SMIM36: variants seen among roughly 807,000 people sequenced by gnomAD.
SMIM36 encodes small integral membrane protein 36.
At chr17:55,497,904 A>C (rs1909837028) in intron 1 of SMIM36, among the ~76,000 whole-genome samples, 1 of 152,126 alleles carries the variant, frequency 6.6e-6, no homozygotes, top group Admixed American at 6.6e-5. Flanking sequence ...CACATCCTAA[A>C]CATTCCTTTT....
chr17:55,480,387 A>G (rs761801690), intron 1 of SMIM36, among the ~76,000 whole-genome samples: 1 of 152,146 alleles, frequency 6.6e-6, no homozygotes, highest in Non-Finnish European at 1.5e-5. Flanking sequence ...GTTATGATGG[A>G]GTTGAATGCT....
At chr17:55,498,675 A>G (rs1348714709) in intron 1 of SMIM36, among the ~76,000 whole-genome samples, 1 of 151,658 alleles carries the variant, frequency 6.6e-6, no homozygotes, top group Non-Finnish European at 1.5e-5. Flanking sequence ...TTAGTTGAGG[A>G]AAAAGGCTCA....
At chr17:55,516,038 G>GA (rs1910270473), upstream of SMIM36, among the ~76,000 whole-genome samples, 1 of 152,148 alleles carries the variant, frequency 6.6e-6, no homozygotes, top group African/African-American at 2.4e-5. Context: ...TGGGATGAAA[G>GA]AAAATTACTG....
chr17:55,486,678 CGTGCCCT>C (rs1351830615), intron 1 of SMIM36, among the ~76,000 whole-genome samples: 5 of 152,146 alleles, frequency 3.3e-5, no homozygotes, highest in African/African-American at 1.2e-4. Context: ...AAGCGTGCAT[CGTGCCCT>C]ACCTTATATT....
chr17:55,487,591 G>T (rs189553455), intron 1 of SMIM36, among the ~76,000 whole-genome samples: 11 of 152,266 alleles, frequency 7.2e-5, no homozygotes, highest in Middle Eastern at 3.4e-3. Context: ...GAGTGAGATG[G>T]GGGAGGATAG....
At chr17:55,527,653 C>G in the SMIM36 span, 1 of 152,082 alleles carries the variant, frequency 6.6e-6, no homozygotes. Flanking sequence ...GAGGGTGACA[C>G]TATAGGCAAT....
the SMIM36 span, among the ~76,000 whole-genome samples, chr17:55,518,771 G>A: frequency 6.6e-6 from 1 of 152,018 alleles, no homozygotes; most frequent in African/African-American, 2.4e-5. Flanking sequence ...AGTTGTGAAA[G>A]GGCAAGTGAT....
At chr17:55,474,122 A>G (rs1310318371) in intron 3 of SMIM36, among the ~76,000 whole-genome samples, 1 of 152,204 alleles carries the variant, frequency 6.6e-6, no homozygotes, top group Non-Finnish European at 1.5e-5. Context: ...TTGCTCACTC[A>G]GGGAGCTTGG....
At chr17:55,531,235 A>G in the SMIM36 span, among the ~76,000 whole-genome samples, 2 of 152,088 alleles carry the variant, frequency 1.3e-5, no homozygotes, top group East Asian at 3.8e-4. Flanking sequence ...CCACATGACC[A>G]AACTTCCCTC....
intron 1 of SMIM36, among the ~76,000 whole-genome samples, chr17:55,501,943 G>C (rs993154474): frequency 1.4e-5 from 2 of 147,938 alleles, no homozygotes; most frequent in Admixed American, 6.7e-5. Context: ...TTCCCTTTCC[G>C]AGTCAAAGAA....
chr17:55,461,648 T>C (rs934729921), intron 4 of SMIM36, among the ~76,000 whole-genome samples: 4 of 152,108 alleles, frequency 2.6e-5, no homozygotes, highest in African/African-American at 9.7e-5. Context: ...CATAAGTAAA[T>C]TATTTATGTA....
chr17:55,482,744 A>C (rs1341391112), intron 1 of SMIM36, among the ~76,000 whole-genome samples: 1 of 152,240 alleles, frequency 6.6e-6, no homozygotes, highest in Non-Finnish European at 1.5e-5. Flanking sequence ...AGAGAATTAG[A>C]GACTACAGGG....
intron 3 of SMIM36, among the ~76,000 whole-genome samples, chr17:55,470,038 C>T (rs530132041): frequency 3.9e-4 from 60 of 152,252 alleles, no homozygotes; most frequent in African/African-American, 1.1e-3. Context: ...AGCGGCCAGG[C>T]GTTCCTCCAG....
intron 4 of SMIM36, among the ~76,000 whole-genome samples, chr17:55,464,922 C>A (rs982025074): frequency 6.6e-6 from 1 of 152,142 alleles, no homozygotes. Flanking sequence ...GATTTGCAAA[C>A]CATAGGCAAT....
chr17:55,508,594 G>A (rs1194468238), intron 1 of SMIM36, among the ~76,000 whole-genome samples: 1 of 151,106 alleles, frequency 6.6e-6, no homozygotes, highest in Non-Finnish European at 1.5e-5. Flanking sequence ...TGAATTTATG[G>A]TGTTTCTTCA....
At chr17:55,491,917 C>T (rs1315052092) in intron 1 of SMIM36, among the ~76,000 whole-genome samples, 1 of 152,084 alleles carries the variant, frequency 6.6e-6, no homozygotes, top group East Asian at 1.9e-4. Flanking sequence ...CCCAGCACTT[C>T]CGGAGGCCGA....
At chr17:55,524,296 A>C in the SMIM36 span, among the ~76,000 whole-genome samples, 1 of 152,164 alleles carries the variant, frequency 6.6e-6, no homozygotes, top group Non-Finnish European at 1.5e-5. Flanking sequence ...GTGTATATGC[A>C]CCACATTTTC....
At chr17:55,460,653 C>G (rs903803824) in intron 4 of SMIM36, among the ~76,000 whole-genome samples, 2 of 152,148 alleles carry the variant, frequency 1.3e-5, no homozygotes, top group African/African-American at 4.8e-5. Context: ...GTCAGGAGAT[C>G]GAGACCATCC....
At chr17:55,523,082 C>G in the SMIM36 span, among the ~76,000 whole-genome samples, 3 of 152,188 alleles carry the variant, frequency 2.0e-5, no homozygotes, top group Non-Finnish European at 4.4e-5. Flanking sequence ...TTCCAGAATT[C>G]ATATATTGAA....
Sources: allele counts gnomAD v4.1 joint callset (sites outside exome capture counted in the v4.1 genomes callset), GRCh38; gene constraint gnomAD v4.1.1; transcripts MANE v1.5; gene names NCBI Gene and HGNC (gene_info 2026-07-23, HGNC 2026-07-21).